Variants in FAM117B observed in about 807,000 individuals in gnomAD.
The protein encoded by FAM117B is protein FAM117B.
A neutral mutation model predicts 52.8 loss-of-function variants in FAM117B; 22 were observed. That is an observed-to-expected ratio of 0.42 (90% confidence interval 0.30 to 0.59). FAM117B has a LOEUF of 0.59. Ranked by LOEUF, FAM117B falls within the 20% of genes least tolerant of loss-of-function variation. The pLI is 0.22. For missense variants in FAM117B, 678 were observed against 802.6 expected (o/e 0.84, Z 1.88); for synonymous variants, 309 against 324.1 (o/e 0.95, Z 0.50).
rs76164752 is a variant in FAM117B at position 202,734,274 on chromosome 2, C to G, written c.960+7911C>G. 1.9e-4 allele frequency among the ~76,000 whole-genome samples: 29 copies of G among 152,244 alleles called. No homozygotes were observed. In the East Asian group the frequency reaches 5.4e-3, roughly 28 times the overall value. ...GTGGTGGTACCCGTTGTAGTCCCAG[C>G]TACTAGGGAGGCTGAGGTGGGGGGA... On this transcript the variant is annotated intron_variant, in intron 4 of 7. Transcript: ENST00000392238.
At chr2:202,665,107 C>G (rs970320728) in intron 1 of FAM117B, among the ~76,000 whole-genome samples, 3 of 152,016 alleles carry the variant, frequency 2.0e-5, no homozygotes, top group Middle Eastern at 3.2e-3. Context: ...TTGTCGTGGA[C>G]TGTTAGCTTT....
intron 1 of FAM117B, among the ~76,000 whole-genome samples, chr2:202,682,764 T>A (rs751745153): frequency 6.6e-6 from 1 of 152,226 alleles, no homozygotes; most frequent in Non-Finnish European, 1.5e-5. Flanking sequence ...TTGAAAAATC[T>A]CAAATATTTT....
chr2:202,702,115 G>A (rs544993325), intron 2 of FAM117B, among the ~76,000 whole-genome samples: 29 of 152,130 alleles, frequency 1.9e-4, no homozygotes, highest in East Asian at 1.9e-4. Context: ...ATTGCTGCAC[G>A]GGTGCGGTGG....
In FAM117B at chr2:202,768,077, A is replaced by ACCC. The variant is rs1692012735; in HGVS notation, c.*2314_*2315insCCC. 2 of 152,202 alleles carry ACCC rather than the reference A, an allele frequency of 1.3e-5. No homozygotes were observed. Among genetic ancestry groups the ACCC allele is most frequent in the African/African-American group, 2.4e-5 (1 of 41,446 alleles). The allele number at this position is 152,202 out of a possible 1,614,324, so 9.4% of individuals were successfully genotyped here. A position where few individuals can be genotyped will look rare whatever the true frequency, so the allele number is the denominator to read the frequency against. Reference sequence around the variant, plus strand: ...AGAATGGGGGTAGAGGAAGTTAAAAACAAGTTATTTAAAAAGAACTCTTGG... The same window carrying ACCC: ...AGAATGGGGGTAGAGGAAGTTAAAAACCCCAAGTTATTTAAAAAGAACTCTTGG... On this transcript the variant is annotated 3_prime_UTR_variant, in exon 8 of 8. Transcript: ENST00000392238.
intron 1 of FAM117B, among the ~76,000 whole-genome samples, chr2:202,648,067 A>G (rs1689896150): frequency 6.6e-6 from 1 of 152,082 alleles, no homozygotes; most frequent in African/African-American, 2.4e-5. Flanking sequence ...CTTTCTTTGC[A>G]GGCAATAATG....
intron 4 of FAM117B, among the ~76,000 whole-genome samples, chr2:202,732,736 A>G (rs774551087): frequency 3.9e-5 from 6 of 152,046 alleles, no homozygotes; most frequent in Non-Finnish European, 7.4e-5. Context: ...CAGGAGAATC[A>G]CCTGAACCTG....
intron 4 of FAM117B, among the ~76,000 whole-genome samples, chr2:202,751,316 G>A (rs1044310586): frequency 2.0e-5 from 3 of 152,112 alleles, no homozygotes; most frequent in African/African-American, 7.2e-5. Flanking sequence ...ACCAGTACTT[G>A]ATTTATGACA....
intron 4 of FAM117B, among the ~76,000 whole-genome samples, chr2:202,734,925 A>G (rs1251085544): frequency 6.6e-6 from 1 of 152,212 alleles, no homozygotes; most frequent in Non-Finnish European, 1.5e-5. Context: ...ATCTCTAAAG[A>G]ATTTTTTTAA....
intron 1 of FAM117B, among the ~76,000 whole-genome samples, chr2:202,651,643 G>A (rs967440416): frequency 1.5e-4 from 23 of 151,904 alleles, no homozygotes; most frequent in Non-Finnish European, 3.1e-4. Flanking sequence ...CAAAGTGCTG[G>A]GATTACAGGC....
At chr2:202,764,271 TTG>T (rs1043853242) in intron 7 of FAM117B, among the ~76,000 whole-genome samples, 1 of 152,002 alleles carries the variant, frequency 6.6e-6, no homozygotes, top group East Asian at 1.9e-4. Context: ...TTTAGATTTT[TTG>T]TGTGTGTGTG....
At chr2:202,659,258 G>A (rs897835227) in intron 1 of FAM117B, among the ~76,000 whole-genome samples, 3 of 151,834 alleles carry the variant, frequency 2.0e-5, no homozygotes, top group Non-Finnish European at 2.9e-5. Context: ...CACCTGTCTC[G>A]GCCTCCCAAA....
intron 1 of FAM117B, among the ~76,000 whole-genome samples, chr2:202,656,613 C>T (rs1325294391): frequency 6.6e-6 from 1 of 152,048 alleles, no homozygotes; most frequent in Non-Finnish European, 1.5e-5. Context: ...AGGTTTATGT[C>T]CCAGGATATG....
chr2:202,666,651 C>G (rs996271055), intron 1 of FAM117B, among the ~76,000 whole-genome samples: 1 of 149,564 alleles, frequency 6.7e-6, no homozygotes, highest in East Asian at 2.0e-4. Context: ...TTTGAAATAA[C>G]ATGTTTCGTT....
intron 1 of FAM117B, among the ~76,000 whole-genome samples, chr2:202,668,128 T>C (rs1690233027): frequency 7.0e-6 from 1 of 142,638 alleles, no homozygotes; most frequent in South Asian, 2.1e-4. Flanking sequence ...TTATAAAATA[T>C]ATATTTTATA....
rs1197855496 is a variant in FAM117B at position 202,648,024 on chromosome 2, C to G, written c.601+12236C>G. 2.0e-5 allele frequency among the ~76,000 whole-genome samples: 3 copies of G among 152,098 alleles called. No homozygotes were observed. In the East Asian group the frequency reaches 5.8e-4, roughly 29 times the overall value. On this transcript the variant is annotated intron_variant, in intron 1 of 7. Transcript: ENST00000392238. The stretch of plus-strand genomic sequence containing the variant: ...GTTTAATTTACCTACCAGAATGTGT[C>G]TCTCTTTCCTCTCCTCTCTCCCCTA...
intron 7 of FAM117B, among the ~76,000 whole-genome samples, chr2:202,760,997 T>G (rs1238446838): frequency 6.6e-6 from 1 of 151,964 alleles, no homozygotes; most frequent in African/African-American, 2.4e-5. Context: ...AGCCTTGACC[T>G]CCCCGGGCTC....
chr2:202,720,828 G>A (rs1287925004), intron 2 of FAM117B, among the ~76,000 whole-genome samples: 2 of 152,052 alleles, frequency 1.3e-5, no homozygotes, highest in Non-Finnish European at 2.9e-5. Context: ...AGTAATTTGC[G>A]AGTTTTGGCA....
intron 2 of FAM117B, among the ~76,000 whole-genome samples, chr2:202,704,879 A>G (rs975852497): frequency 1.3e-5 from 2 of 152,004 alleles, no homozygotes; most frequent in Non-Finnish European, 2.9e-5. Context: ...GGTGTATTGC[A>G]GGTGTGAGCC....
rs768522302 is a variant in FAM117B, at chr2:202,667,225, C to T, written c.602-28656C>T. On this transcript the variant is annotated intron_variant, in intron 1 of 7. Transcript: ENST00000392238. ...AAGCAGTTCTCCTGCCTCACCCTTC[C>T]GAGTAGCTGAGACTACAGGCACGTG... 5.9e-5 allele frequency among the ~76,000 whole-genome samples: 9 copies of T among 152,152 alleles called. No individual in the cohort carries two copies. In the South Asian group the frequency reaches 1.5e-3, roughly 25 times the overall value.
Sources: gnomAD v4.1 joint callset for allele counts (sites outside exome capture counted in the v4.1 genomes callset) on GRCh38, gnomAD v4.1.1 for gene constraint, MANE v1.5 for transcripts, NCBI Gene and HGNC (gene_info 2026-07-23, HGNC 2026-07-21) for gene names.